RPL6: variants seen among roughly 807,000 people sequenced by gnomAD.
The protein encoded by RPL6 is large ribosomal subunit protein eL6.
A neutral mutation model predicts 32.1 loss-of-function variants in RPL6; 1 was observed. The observed-to-expected ratio is 0.03, with a 90% CI of 0.01 to 0.15. The LOEUF is 0.15. Ranked by LOEUF, RPL6 falls within the 10% of genes least tolerant of loss-of-function variation. RPL6 has a pLI of 1.00. For missense variants in RPL6, 275 were observed against 354.6 expected (o/e 0.78, Z 1.80); for synonymous variants, 126 against 131.6 (o/e 0.96, Z 0.29).
intron 3 of RPL6, chr12:112,407,840 GC>G (rs1400035055): frequency 5.8e-6 from 1 of 172,976 alleles, no homozygotes; most frequent in East Asian, 1.7e-4. Flanking sequence ...CGATTCTTCT[GC>G]CTCAGCCTCC....
At chr12:112,408,026 C>T (rs2037228053) in intron 3 of RPL6, 1 of 560,710 alleles carries the variant, frequency 1.8e-6, no homozygotes. Flanking sequence ...AGCCTCATTC[C>T]CATATTATAT....
upstream of RPL6, chr12:112,411,292 T>G (rs1233552920): frequency 1.3e-5 from 2 of 152,240 alleles, no homozygotes; most frequent in Non-Finnish European, 2.9e-5. Context: ...ATGTACACAT[T>G]TGTAATACCT....
At chr12:112,417,321 G>C (rs1487027401) in intron 1 of RPL6, among the ~76,000 whole-genome samples, 1 of 152,110 alleles carries the variant, frequency 6.6e-6, no homozygotes, top group Non-Finnish European at 1.5e-5. Flanking sequence ...GCCTCCCAAA[G>C]TGCTGGGATT....
chr12:112,409,159 A>C (rs2037280228), intron 1 of RPL6: 1 of 298,798 alleles, frequency 3.3e-6, no homozygotes, highest in Non-Finnish European at 6.1e-6. Flanking sequence ...GATCGCAAAG[A>C]CCAAGAGGCG....
At chr12:112,415,029 G>A (rs1251521996), upstream of RPL6, among the ~76,000 whole-genome samples, 1 of 152,182 alleles carries the variant, frequency 6.6e-6, no homozygotes, top group African/African-American at 2.4e-5. Context: ...CATCTGACCT[G>A]CACTAGAGAA....
chr12:112,408,934 G>C (rs1782328956), intron 1 of RPL6: 1 of 417,990 alleles, frequency 2.4e-6, no homozygotes, highest in African/African-American at 2.1e-5. Context: ...GCGGTCAGAA[G>C]TCCGTACAAC....
chr12:112,415,796 C>T (rs2037399717), intron 1 of RPL6, among the ~76,000 whole-genome samples: 1 of 150,950 alleles, frequency 6.6e-6, no homozygotes, highest in Admixed American at 6.6e-5. Context: ...ACTCTTTGGG[C>T]TCAAGAAATC....
chr12:112,409,452 G>A (rs1330352931), intron 1 of RPL6, 135 bp downstream of exon 1: 5 of 398,502 alleles, frequency 1.3e-5, no homozygotes, highest in Non-Finnish European at 1.8e-5. Context: ...CAAAAATGAA[G>A]CGTCTGGAAG....
chr12:112,415,940 A>G (rs1275241477), intron 1 of RPL6, among the ~76,000 whole-genome samples: 9 of 120,716 alleles, frequency 7.5e-5, no homozygotes, highest in East Asian at 2.8e-4. Flanking sequence ...CAATGTAGGG[A>G]GTGACTAGTT....
intron 3 of RPL6, 66 bp from the exon 4 acceptor site, chr12:112,406,956 T>C: frequency 6.5e-7 from 1 of 1,548,444 alleles, no homozygotes; most frequent in Non-Finnish European, 8.8e-7. Context: ...GCAAGCTATG[T>C]CAGCCAAACT....
Position 112,405,842 on chromosome 12 carries a change from T to C in RPL6, c.714+11A>G. 2 of 1,606,600 alleles carry C rather than the reference T, an allele frequency of 1.2e-6. No individual in the cohort carries two copies. The highest frequency in any genetic ancestry group is 1.7e-6 in the Non-Finnish European group (2 of 1,176,138). ...CAGTGCTAACACAGGAGATGACAAG[T>C]AGAAACTTACCTCTTTTTCTGTGTC... On this transcript the variant is annotated intron_variant, in intron 6 of 6. Transcript: ENST00000202773.
intron 6 of RPL6, 173 bp downstream of exon 6, chr12:112,405,680 C>G (rs970829577): frequency 1.5e-6 from 1 of 651,536 alleles, no homozygotes; most frequent in African/African-American, 1.8e-5. Flanking sequence ...CTAAGTTGAG[C>G]TCCCAGACTG....
chr12:112,408,830 C>T (rs2037265631), intron 1 of RPL6, 174 bp from the exon 2 acceptor site: 2 of 618,028 alleles, frequency 3.2e-6, no homozygotes, highest in East Asian at 2.8e-5. Flanking sequence ...TTCACTATGA[C>T]TCATTTGGGG....
chr12:112,418,793 A>AGCCC lies in RPL6; in HGVS notation c.-298_-295dup, dbSNP rs2037462750. 4 of 451,050 alleles carry AGCCC rather than the reference A, an allele frequency of 8.9e-6. No individual in the cohort carries two copies. In the Admixed American group the frequency reaches 1.9e-4, roughly 21 times the overall value. The allele number at this position is 451,050 out of a possible 1,614,324, so 27.9% of individuals were successfully genotyped here. A position where few individuals can be genotyped will look rare whatever the true frequency, so the allele number is the denominator to read the frequency against. On this transcript the variant is annotated 5_prime_UTR_variant, in exon 1 of 6. Transcript: ENST00000551291. Reference sequence around the variant, plus strand: ...GACACTGTGCGTGGCGCCTCCGCGGAGCCCCCGCGCTGCCATTCCCGGCCG... The same window carrying AGCCC: ...GACACTGTGCGTGGCGCCTCCGCGGAGCCCGCCCCCGCGCTGCCATTCCCGGCCG...
At chr12:112,406,584 G>A (rs1243610164) in intron 4 of RPL6, 163 bp downstream of exon 4, 2 of 995,004 alleles carry the variant, frequency 2.0e-6, no homozygotes, top group African/African-American at 3.3e-5. Context: ...AATCACCATG[G>A]ATTACACTTC....
In RPL6 at chr12:112,406,344, T is replaced by TG. The variant is rs754726497; in HGVS notation, c.481-3dup. On this transcript the variant is annotated splice_region_variant and splice_polypyrimidine_tract_variant and intron_variant, in intron 4 of 6. Transcript: ENST00000202773. ...CAGCTGCTTCAGGAAAACCACCCTC[T>TG]GTAAGTTAAAAAGAAAATAATTAGT... 204 of 1,611,292 alleles carry TG rather than the reference T, an allele frequency of 1.3e-4. No individual in the cohort carries two copies. The highest frequency in any genetic ancestry group is 1.7e-4 in the Non-Finnish European group (201 of 1,177,860).
At chr12:112,406,614 T>G in intron 4 of RPL6, 133 bp downstream of exon 4, 1 of 1,221,126 alleles carries the variant, frequency 8.2e-7, no homozygotes, top group Non-Finnish European at 1.1e-6. Context: ...ACAACTAAGT[T>G]GTATCTTGCA....
upstream of RPL6, among the ~76,000 whole-genome samples, chr12:112,412,416 CTGCTCACCTCGGCCTCCCAAAG>C (rs2037352078): frequency 6.6e-6 from 1 of 152,014 alleles, no homozygotes; most frequent in Non-Finnish European, 1.5e-5. Context: ...CTCAGGTGAT[CTGCTCACCTCGGCCTCCCAAAG>C]TGCTGGGATT....
upstream of RPL6, among the ~76,000 whole-genome samples, chr12:112,414,926 A>C (rs111248921): frequency 6.8e-3 from 1,034 of 151,834 alleles, 10 homozygotes; most frequent in African/African-American, 0.022. Context: ...AACAAAAAAA[A>C]CCCACAAAAC....
Sources: allele counts gnomAD v4.1 joint callset (sites outside exome capture counted in the v4.1 genomes callset), GRCh38; gene constraint gnomAD v4.1.1; transcripts MANE v1.5; gene names NCBI Gene and HGNC (gene_info 2026-07-23, HGNC 2026-07-21).